The following INPP4B variants were observed in gnomAD, a reference collection of about 807,000 sequenced individuals.
The protein encoded by INPP4B is inositol polyphosphate 4-phosphatase type II.
A neutral mutation model predicts 122.5 loss-of-function variants in INPP4B; 55 were observed. The ratio of observed to expected loss-of-function variants is 0.45; its 90% CI spans 0.36 to 0.56. INPP4B has a LOEUF of 0.56. Ranked by LOEUF, INPP4B falls within the 20% of genes least tolerant of loss-of-function variation. The pLI is 0.00. For synonymous variants in INPP4B, 403 were observed against 388.7 expected, an observed-to-expected ratio of 1.04 and a Z score of -0.43; for missense variants, 1,000 against 1,097.7, an observed-to-expected ratio of 0.91 and a Z score of 1.26.
At chr4:142,089,486 G>GAC (rs1778477438) in intron 23 of INPP4B, among the ~76,000 whole-genome samples, 1 of 149,908 alleles carries the variant, frequency 6.7e-6, no homozygotes, top group African/African-American at 2.4e-5. Flanking sequence ...CACACAGAGA[G>GAC]AGAGAGAGAG....
At chr4:142,791,715 G>A (rs771090052) in intron 1 of INPP4B, among the ~76,000 whole-genome samples, 7 of 151,946 alleles carry the variant, frequency 4.6e-5, no homozygotes, top group Admixed American at 1.3e-4. Flanking sequence ...ATCATGAATG[G>A]CTTCTTTTTG....
chr4:142,167,719 T>C (rs1413824171), intron 16 of INPP4B, among the ~76,000 whole-genome samples: 2 of 151,764 alleles, frequency 1.3e-5, no homozygotes, highest in Non-Finnish European at 3.0e-5. Context: ...TACATTGGTA[T>C]TATTTTTATT....
chr4:142,709,112 T>G (rs1233537436), intron 2 of INPP4B, among the ~76,000 whole-genome samples: 5 of 152,198 alleles, frequency 3.3e-5, no homozygotes, highest in Non-Finnish European at 7.3e-5. Context: ...GGTCTTGGAC[T>G]TGCCTGGGGC....
intron 25 of INPP4B, among the ~76,000 whole-genome samples, chr4:142,051,658 C>A (rs1754677439): frequency 6.6e-6 from 1 of 151,990 alleles, no homozygotes; most frequent in Non-Finnish European, 1.5e-5. Context: ...CGTTGCTCTA[C>A]AAGGGTTTTA....
At chr4:142,776,271 A>G (rs1276717984) in intron 1 of INPP4B, among the ~76,000 whole-genome samples, 3 of 152,294 alleles carry the variant, frequency 2.0e-5, no homozygotes, top group African/African-American at 7.2e-5. Flanking sequence ...GCTGCTCAGT[A>G]TGTGGTATAA....
chr4:142,215,946 C>T (rs1847054533), intron 12 of INPP4B, among the ~76,000 whole-genome samples: 2 of 114,872 alleles, frequency 1.7e-5, no homozygotes, highest in Non-Finnish European at 3.5e-5. Context: ...AGGAATCTGA[C>T]ACTAATGTTG....
intron 2 of INPP4B, among the ~76,000 whole-genome samples, chr4:142,535,688 G>A (rs1277300948): frequency 3.9e-5 from 6 of 152,066 alleles, no homozygotes; most frequent in African/African-American, 1.4e-4. Flanking sequence ...TATAATTATT[G>A]TTATGATAAT....
At chr4:142,179,442 C>T (rs1259475386) in intron 15 of INPP4B, among the ~76,000 whole-genome samples, 1 of 119,520 alleles carries the variant, frequency 8.4e-6, no homozygotes, top group Non-Finnish European at 1.6e-5. Flanking sequence ...CACTGCACTC[C>T]AGTGAGGGCA....
At chr4:142,724,325 T>C (rs1238470028) in intron 2 of INPP4B, among the ~76,000 whole-genome samples, 1 of 152,180 alleles carries the variant, frequency 6.6e-6, no homozygotes, top group African/African-American at 2.4e-5. Context: ...CTGTGCTCCC[T>C]GCATGCTTTA....
chr4:142,332,901 C>T (rs1579763245), intron 7 of INPP4B, among the ~76,000 whole-genome samples: 2 of 145,454 alleles, frequency 1.4e-5, no homozygotes, highest in Non-Finnish European at 3.0e-5. Context: ...GTCCCAGCTA[C>T]GTGGGAGGCT....
chr4:142,325,955 A>G (rs539599516), intron 7 of INPP4B, among the ~76,000 whole-genome samples: 1 of 152,336 alleles, frequency 6.6e-6, no homozygotes, highest in East Asian at 1.9e-4. Flanking sequence ...AATGGCAACA[A>G]TATCTGTAGA....
chr4:142,377,732 T>C (rs1792499479), intron 7 of INPP4B, among the ~76,000 whole-genome samples: 1 of 152,120 alleles, frequency 6.6e-6, no homozygotes, highest in South Asian at 2.1e-4. Context: ...GAAATGAATG[T>C]TGGACTATCA....
At chr4:142,682,289 T>G (rs943445897) in intron 2 of INPP4B, among the ~76,000 whole-genome samples, 1 of 151,846 alleles carries the variant, frequency 6.6e-6, no homozygotes, top group African/African-American at 2.4e-5. Context: ...CTCTCTCTCT[T>G]TCTCTCTCCT....
intron 1 of INPP4B, among the ~76,000 whole-genome samples, chr4:142,815,268 G>A (rs192401658): frequency 1.4e-3 from 207 of 152,178 alleles, no homozygotes; most frequent in African/African-American, 4.4e-3. Context: ...AAAATATAAC[G>A]TGATGTACTG....
intron 2 of INPP4B, among the ~76,000 whole-genome samples, chr4:142,655,560 C>G (rs922126658): frequency 6.6e-6 from 1 of 152,098 alleles, no homozygotes; most frequent in Non-Finnish European, 1.5e-5. Flanking sequence ...TTTTAAAAAC[C>G]CTGCACCTTA....
At chr4:142,719,995 A>G (rs1764300263) in intron 2 of INPP4B, among the ~76,000 whole-genome samples, 1 of 152,200 alleles carries the variant, frequency 6.6e-6, no homozygotes, top group Non-Finnish European at 1.5e-5. Context: ...ACAAATACCC[A>G]TCCAATGATG....
At chr4:142,757,383 C>T (rs1167539854) in intron 1 of INPP4B, among the ~76,000 whole-genome samples, 2 of 152,052 alleles carry the variant, frequency 1.3e-5, no homozygotes, top group African/African-American at 4.8e-5. Flanking sequence ...CCTACCATTG[C>T]AATATTGTAC....
chr4:142,316,195 G>A (rs1003964084), intron 7 of INPP4B, among the ~76,000 whole-genome samples: 1 of 152,136 alleles, frequency 6.6e-6, no homozygotes, highest in African/African-American at 2.4e-5. Context: ...TAAATGACAT[G>A]AGAGATCCCA....
intron 1 of INPP4B, among the ~76,000 whole-genome samples, chr4:142,840,400 T>C (rs1256515343): frequency 1.3e-5 from 2 of 152,192 alleles, no homozygotes; most frequent in East Asian, 1.9e-4. Flanking sequence ...CATAAGTTTT[T>C]TTCTATCATG....
Sources: allele counts gnomAD v4.1 joint callset (sites outside exome capture counted in the v4.1 genomes callset), GRCh38; gene constraint gnomAD v4.1.1; transcripts MANE v1.5; gene names NCBI Gene and HGNC (gene_info 2026-07-23, HGNC 2026-07-21).